The following RALYL variants were observed in gnomAD, a reference collection of about 807,000 sequenced individuals.
RALYL encodes RNA-binding Raly-like protein.
Under a neutral mutation model 35.1 loss-of-function variants are expected in RALYL, and 29 were observed. The ratio of observed to expected loss-of-function variants is 0.83; its 90% CI spans 0.61 to 1.13. The LOEUF is 1.13. Among genes scored for constraint, RALYL ranks in the 50% most tolerant of loss-of-function variants. The probability of loss-of-function intolerance (pLI) is 0.00; values close to 1 mark genes in which losing one functional copy is unlikely to be tolerated. For missense variants in RALYL, 359 were observed against 360.4 expected, an observed-to-expected ratio of 1.00 and a Z score of 0.03; for synonymous variants, 120 against 127.6, an observed-to-expected ratio of 0.94 and a Z score of 0.40.
intron 1 of RALYL, among the ~76,000 whole-genome samples, chr8:84,471,643 G>T (rs2133712373): frequency 6.6e-6 from 1 of 152,232 alleles, no homozygotes; most frequent in East Asian, 1.9e-4. Flanking sequence ...AGTCAACATT[G>T]TATGAAAATA....
rs140247952 is a variant in RALYL, at chr8:84,264,626, T to C, written c.-24+80202T>C. Among the ~76,000 whole-genome samples, 3 of 152,104 alleles carry C rather than the reference T, an allele frequency of 2.0e-5. No individual in the cohort carries two copies. The East Asian group carries it at 5.8e-4, about 29-fold the overall frequency. On this transcript the variant is annotated intron_variant, in intron 1 of 8. Coordinates refer to ENST00000521268, the MANE Select transcript of RALYL (RefSeq NM_173848.7). ...TTTAGTTTAATTAGATTTTTTAAAT[T>C]CTTAGTAATTGATCAGTCATATAAT...
intron 2 of RALYL, among the ~76,000 whole-genome samples, chr8:84,720,979 A>G (rs1220197052): frequency 1.3e-5 from 2 of 152,120 alleles, no homozygotes; most frequent in East Asian, 3.9e-4. Context: ...TAAAAAGACA[A>G]AAGGTAATAA....
chr8:84,455,085 G>A (rs762156266), intron 1 of RALYL, among the ~76,000 whole-genome samples: 5 of 152,088 alleles, frequency 3.3e-5, no homozygotes, highest in East Asian at 1.9e-4. Context: ...TGAGCCAGGC[G>A]CTGCACAGAA....
At chr8:84,756,033 C>A (rs951705850) in intron 2 of RALYL, among the ~76,000 whole-genome samples, 18 of 152,086 alleles carry the variant, frequency 1.2e-4, no homozygotes, top group Non-Finnish European at 2.4e-4. Context: ...TTGCCATGAA[C>A]AAATGGAGGC....
intron 1 of RALYL, among the ~76,000 whole-genome samples, chr8:84,457,435 G>A (rs1316883969): frequency 6.6e-6 from 1 of 151,866 alleles, no homozygotes; most frequent in Admixed American, 6.6e-5. Context: ...TGTAGGCCAT[G>A]TTGCCTTTTA....
chr8:84,359,506 C>T, intron 1 of RALYL, among the ~76,000 whole-genome samples: 1 of 151,968 alleles, frequency 6.6e-6, no homozygotes, highest in East Asian at 1.9e-4. Context: ...GTAATGCTTT[C>T]TTTCACTTTT....
At chr8:84,389,227 G>A (rs1197720606) in intron 1 of RALYL, among the ~76,000 whole-genome samples, 1 of 152,126 alleles carries the variant, frequency 6.6e-6, no homozygotes, top group African/African-American at 2.4e-5. Flanking sequence ...TCAGTACCAT[G>A]CTGTTTTGGT....
chr8:84,391,174 G>A (rs567739328), intron 1 of RALYL, among the ~76,000 whole-genome samples: 2 of 152,072 alleles, frequency 1.3e-5, no homozygotes, highest in Non-Finnish European at 2.9e-5. Context: ...TTGCGTGGAC[G>A]ACTCTTTCTC....
At chr8:84,702,537 T>TCA (rs773689586) in intron 2 of RALYL, among the ~76,000 whole-genome samples, 450 of 143,682 alleles carry the variant, frequency 3.1e-3, no homozygotes, top group Non-Finnish European at 4.7e-3. Context: ...TCTCTCTCTC[T>TCA]CTCACACACA....
chr8:84,445,813 CCTGT>C lies in RALYL; in HGVS notation c.-23-83483_-23-83480del, dbSNP rs1331365004. On this transcript the variant is annotated intron_variant, in intron 1 of 8. Coordinates refer to ENST00000521268, the MANE Select transcript of RALYL (RefSeq NM_173848.7). The stretch of plus-strand genomic sequence containing the variant: ...TTTCTTTTGGAGCCACACTAAGTCA[CCTGT>C]CTATGTTCTTTAATTTTTCACAAGT... Among the ~76,000 whole-genome samples, 4 of 151,412 alleles carry C rather than the reference CCTGT, an allele frequency of 2.6e-5. No individual in the cohort carries two copies. In the East Asian group the frequency reaches 5.8e-4, roughly 22 times the overall value.
At chr8:84,725,672 A>G (rs970589251) in intron 2 of RALYL, among the ~76,000 whole-genome samples, 1 of 151,700 alleles carries the variant, frequency 6.6e-6, no homozygotes, top group African/African-American at 2.4e-5. Flanking sequence ...ATTTAGAAAT[A>G]TGAGTTATTA....
intron 2 of RALYL, among the ~76,000 whole-genome samples, chr8:84,698,376 CATT>C (rs946307899): frequency 6.6e-6 from 1 of 152,016 alleles, no homozygotes; most frequent in African/African-American, 2.4e-5. Context: ...ATAAAGCTAA[CATT>C]AGTGAACTCT....
intron 2 of RALYL, among the ~76,000 whole-genome samples, chr8:84,570,812 T>C (rs1454849265): frequency 6.6e-6 from 1 of 151,982 alleles, no homozygotes; most frequent in Non-Finnish European, 1.5e-5. Context: ...TTAGATTTTA[T>C]TGGATGCTTC....
chr8:84,593,936 T>G (rs1182040244), intron 2 of RALYL, among the ~76,000 whole-genome samples: 1 of 152,088 alleles, frequency 6.6e-6, no homozygotes, highest in East Asian at 1.9e-4. Flanking sequence ...ATGATCATCT[T>G]CCTTGTAGCT....
At chr8:84,660,994 T>C (rs1026865643) in intron 2 of RALYL, among the ~76,000 whole-genome samples, 1 of 152,166 alleles carries the variant, frequency 6.6e-6, no homozygotes, top group South Asian at 2.1e-4. Flanking sequence ...AGTAGTGCAA[T>C]CTCGGCTCAC....
At position 84,372,983 on chromosome 8, in the gene RALYL, C is replaced by T. The variant is rs552702922; in HGVS notation, c.-23-156316C>T. Among the ~76,000 whole-genome samples the T allele has an allele frequency of 5.1e-5, 7 of 136,088 alleles. No individual in the cohort carries two copies. In the South Asian group the frequency reaches 7.1e-4, roughly 14 times the overall value. 89.3% of individuals were successfully genotyped at this position (136,088 alleles called of 152,430 possible). ...TCATTGTGGTTTTGATTTGTATTTC[C>T]GTACTGATCAGTTATATTGAGCTTT... On this transcript the variant is annotated intron_variant, in intron 1 of 8. Coordinates refer to ENST00000521268, the MANE Select transcript of RALYL (RefSeq NM_173848.7).
At chr8:84,903,822 AG>A (rs1308906532) in intron 8 of RALYL, among the ~76,000 whole-genome samples, 1 of 152,196 alleles carries the variant, frequency 6.6e-6, no homozygotes, top group Non-Finnish European at 1.5e-5. Context: ...AAAGGGCAAA[AG>A]CTATTGGAAA....
At chr8:84,423,451 A>G (rs1249801671) in intron 1 of RALYL, among the ~76,000 whole-genome samples, 19 of 151,708 alleles carry the variant, frequency 1.3e-4, no homozygotes, top group Non-Finnish European at 1.9e-4. Flanking sequence ...GTCTCTGCAC[A>G]TGAGATGGTT....
At chr8:84,572,577 A>G (rs550903487) in intron 2 of RALYL, among the ~76,000 whole-genome samples, 1 of 151,960 alleles carries the variant, frequency 6.6e-6, no homozygotes, top group South Asian at 2.1e-4. Flanking sequence ...CATCTTTCCT[A>G]TCATTTTAAC....
Sources: gnomAD v4.1 joint callset for allele counts (sites outside exome capture counted in the v4.1 genomes callset) on GRCh38, gnomAD v4.1.1 for gene constraint, MANE v1.5 for transcripts, NCBI Gene and HGNC (gene_info 2026-07-23, HGNC 2026-07-21) for gene names.